Variants in USH2A observed in about 807,000 individuals in gnomAD.
USH2A encodes the protein usherin.
In USH2A, 443 loss-of-function variants were observed where a neutral mutation model predicts 538.9. That is an observed-to-expected ratio of 0.82 (90% CI 0.76 to 0.89). The LOEUF is 0.89. Ranked by LOEUF, USH2A falls within the 40% of genes least tolerant of loss-of-function variation. The probability of loss-of-function intolerance (pLI) is 0.00; values close to 1 mark genes in which losing one functional copy is unlikely to be tolerated. For missense variants in USH2A, 6,633 were observed against 6,324.8 expected, an observed-to-expected ratio of 1.05 and a Z score of -1.65; for synonymous variants, 2,413 against 2,273.5, an observed-to-expected ratio of 1.06 and a Z score of -1.75.
chr1:215,866,881 G>A, intron 44 of USH2A, 126 bp downstream of exon 44: 2 of 1,335,936 alleles, frequency 1.5e-6, no homozygotes, highest in Non-Finnish European at 1.0e-6. Context: ...ATCTGCAATT[G>A]GTAAAAATTT....
At chr1:216,066,821 T>C (rs967697004) in intron 30 of USH2A, among the ~76,000 whole-genome samples, 3 of 152,172 alleles carry the variant, frequency 2.0e-5, no homozygotes, top group Admixed American at 2.0e-4. Flanking sequence ...TCCCATTTCA[T>C]AGGTTAGGAC....
intron 58 of USH2A, among the ~76,000 whole-genome samples, chr1:215,750,420 G>A (rs775809207): frequency 7.2e-5 from 11 of 152,080 alleles, no homozygotes; most frequent in African/African-American, 2.7e-4. Context: ...TTTTGCCCCT[G>A]AGTGGGGCTC....
rs530878261 is a variant in USH2A, at chr1:215,813,866, T to A, written c.9609A>T (p.Gly3203=). Residue 3203 remains glycine, a synonymous_variant, in exon 49 of 72, where the codon GGA becomes GGT. Transcript: ENST00000307340. ...TATACTTTTCTTCACAACAGCGATG[T>A]CCAGGCTTGGGGTTATAGAGCACTC... The part of the protein sequence containing the change: ...CNGVLYNPKP[G]HRCCEEKYIP... 2 of 1,613,870 alleles carry A rather than the reference T, an allele frequency of 1.2e-6. No homozygotes were observed. Among genetic ancestry groups the A allele is most frequent in the East Asian group, 4.5e-5 (2 of 44,874 alleles).
rs1667471210 is a variant in USH2A at position 215,970,651 on chromosome 1, C to A, written c.6931G>T (p.Ala2311Ser). 6.2e-7 allele frequency: 1 copy of A among 1,613,628 alleles called. No homozygotes were observed. The highest frequency in any genetic ancestry group is 1.1e-5 in the South Asian group (1 of 91,080). The change falls in exon 36 of 72, where the codon GCC (alanine) becomes TCC (serine). Residue 2311 changes from alanine (A) to serine (S), a missense_variant. Transcript: ENST00000307340. The stretch of plus-strand genomic sequence containing the variant: ...AGTGGGCCCAGAGCACAACCTTTGG[C>A]CGTGCATGCTTGGACTCTGAAGGAA... ...LHSFRVQACTAKGCALGPLVE... is the reference protein window; with the variant it reads ...LHSFRVQACTSKGCALGPLVE...
intron 21 of USH2A, among the ~76,000 whole-genome samples, chr1:216,151,664 G>A (rs564627091): frequency 2.0e-5 from 3 of 152,086 alleles, no homozygotes; most frequent in African/African-American, 4.8e-5. Context: ...CTCCAAAACC[G>A]CCGAGGCCTT....
At chr1:215,794,845 A>G (rs1662081877) in intron 50 of USH2A, among the ~76,000 whole-genome samples, 1 of 152,184 alleles carries the variant, frequency 6.6e-6, no homozygotes, top group Non-Finnish European at 1.5e-5. Flanking sequence ...GATGGAGTTC[A>G]AGGGTGGATA....
intron 61 of USH2A, among the ~76,000 whole-genome samples, chr1:215,720,908 T>C (rs1402467507): frequency 1.3e-5 from 2 of 152,134 alleles, no homozygotes; most frequent in African/African-American, 4.8e-5. Flanking sequence ...TATTATTGAG[T>C]AAAGCTCTGT....
At chr1:216,360,977 T>G (rs1254195635) in intron 4 of USH2A, among the ~76,000 whole-genome samples, 4 of 152,034 alleles carry the variant, frequency 2.6e-5, no homozygotes, top group Admixed American at 6.6e-5. Flanking sequence ...GAAAAAAAGT[T>G]GGAGAACTAC....
At chr1:215,899,346 C>T (rs1425619281) in intron 40 of USH2A, among the ~76,000 whole-genome samples, 2 of 152,144 alleles carry the variant, frequency 1.3e-5, no homozygotes, top group African/African-American at 4.8e-5. Flanking sequence ...TTCAAAGATA[C>T]AATGTCCTTA....
intron 3 of USH2A, among the ~76,000 whole-genome samples, chr1:216,400,217 TA>T (rs1553256383): frequency 0.046 from 382 of 8,346 alleles, 3 homozygotes; most frequent in African/African-American, 0.28. Context: ...AAATAGAAGT[TA>T]TATATATATA....
chr1:216,325,684 C>T (rs1381355841), intron 5 of USH2A, 85 bp from the exon 6 acceptor site: 3 of 1,308,762 alleles, frequency 2.3e-6, no homozygotes, highest in South Asian at 2.6e-5. Context: ...GAATGTCACT[C>T]GTTTAGTGCT....
intron 20 of USH2A, among the ~76,000 whole-genome samples, chr1:216,176,734 C>T (rs2034394487): frequency 6.6e-6 from 1 of 152,120 alleles, no homozygotes; most frequent in Non-Finnish European, 1.5e-5. Flanking sequence ...CCCCCAACCC[C>T]AGGTAACTAC....
Position 215,786,885 on chromosome 1 carries a change from T to C in USH2A, c.10183-11A>G. On this transcript the variant is annotated splice_polypyrimidine_tract_variant and intron_variant, in intron 51 of 71. Coordinates refer to ENST00000307340, the MANE Select transcript of USH2A (RefSeq NM_206933.4). ...GCACTCTTTGGTTTCCTGAGTCAAG[T>C]GGCAGGGGTGAGAGAGAGAGGGGTA... 1 of 1,613,512 alleles carries C rather than the reference T, an allele frequency of 6.2e-7. No individual in the cohort carries two copies. The highest frequency in any genetic ancestry group is 8.5e-7 in the Non-Finnish European group (1 of 1,179,744).
At chr1:215,683,398 C>T (rs182219342) in intron 61 of USH2A, among the ~76,000 whole-genome samples, 132 of 152,166 alleles carry the variant, frequency 8.7e-4, no homozygotes, top group Non-Finnish European at 1.6e-3. Context: ...TATTCTTTGA[C>T]GTTTTAGGAA....
intron 11 of USH2A, among the ~76,000 whole-genome samples, chr1:216,265,245 G>A (rs1158768546): frequency 6.6e-6 from 1 of 151,634 alleles, no homozygotes; most frequent in Non-Finnish European, 1.5e-5. Context: ...ACAAGTACAC[G>A]AAAAAATGCT....
chr1:215,992,509 TTAATC>T (rs1183600176), intron 35 of USH2A, among the ~76,000 whole-genome samples: 1 of 152,170 alleles, frequency 6.6e-6, no homozygotes, highest in Admixed American at 6.6e-5. Context: ...ATATGTATGT[TTAATC>T]TATGCATTGT....
intron 44 of USH2A, among the ~76,000 whole-genome samples, chr1:215,858,078 C>T (rs1158981205): frequency 1.3e-5 from 2 of 152,054 alleles, no homozygotes; most frequent in African/African-American, 4.8e-5. Context: ...TACAGTTATA[C>T]AATATGGAGT....
intron 17 of USH2A, among the ~76,000 whole-genome samples, chr1:216,198,923 AT>A (rs2034919020): frequency 6.6e-6 from 1 of 152,200 alleles, no homozygotes; most frequent in African/African-American, 2.4e-5. Context: ...GATATTCACA[AT>A]TTCTGTTAAG....
intron 3 of USH2A, among the ~76,000 whole-genome samples, chr1:216,411,614 G>A (rs908103730): frequency 6.6e-6 from 1 of 152,188 alleles, no homozygotes. Context: ...TCATGCAGTG[G>A]GTGGTGGCTA....
Sources: allele counts gnomAD v4.1 joint callset (sites outside exome capture counted in the v4.1 genomes callset), GRCh38; gene constraint gnomAD v4.1.1; transcripts MANE v1.5; gene names NCBI Gene and HGNC (gene_info 2026-07-23, HGNC 2026-07-21).